The following CEP15 variants were observed in gnomAD, a reference collection of about 807,000 sequenced individuals.
CEP15 encodes centrosomal protein 15.
chr3:62,332,489 A>T, the CEP15 span, among the ~76,000 whole-genome samples: 3 of 152,038 alleles, frequency 2.0e-5, no homozygotes, highest in Non-Finnish European at 4.4e-5. Flanking sequence ...CCCTCCTATG[A>T]CACAGGGCTT....
chr3:62,323,158 C>T, the CEP15 span, among the ~76,000 whole-genome samples: 1 of 152,158 alleles, frequency 6.6e-6, no homozygotes, highest in Non-Finnish European at 1.5e-5. Flanking sequence ...AGGGTCCTTA[C>T]TATTGAGCTA....
At chr3:62,321,090 A>G in the CEP15 span, among the ~76,000 whole-genome samples, 1 of 152,204 alleles carries the variant, frequency 6.6e-6, no homozygotes, top group Non-Finnish European at 1.5e-5. This position sits in a 1 kb window ranked among gnomAD's most constrained non-coding sequence, Gnocchi z 4.1. Flanking sequence ...TGAGATTTTA[A>G]TTCCACCTTT....
At chr3:62,332,945 A>G in the CEP15 span, among the ~76,000 whole-genome samples, 9 of 152,156 alleles carry the variant, frequency 5.9e-5, no homozygotes, top group Non-Finnish European at 1.0e-4. Context: ...CATAAATGAT[A>G]CTATTAGCAA....
At chr3:62,327,871 C>G in the CEP15 span, among the ~76,000 whole-genome samples, 1 of 152,132 alleles carries the variant, frequency 6.6e-6, no homozygotes, top group African/African-American at 2.4e-5. Flanking sequence ...TGCAATGTTT[C>G]GATCCCTTGC....
chr3:62,336,044 G>A, the CEP15 span: 2 of 152,080 alleles, frequency 1.3e-5, no homozygotes, highest in Non-Finnish European at 2.9e-5. The surrounding 1 kb of genome is among the most constrained non-coding windows in gnomAD (Gnocchi z 4.4). Flanking sequence ...GTTTTTTTCT[G>A]CATTATGCAC....
At chr3:62,321,748 T>G in the CEP15 span, among the ~76,000 whole-genome samples, 1 of 152,196 alleles carries the variant, frequency 6.6e-6, no homozygotes, top group Non-Finnish European at 1.5e-5. The surrounding 1 kb of genome is among the most constrained non-coding windows in gnomAD (Gnocchi z 4.1). Context: ...CCAGATTGAC[T>G]TAAGACTTAT....
the CEP15 span, among the ~76,000 whole-genome samples, chr3:62,332,761 C>G: frequency 9.9e-5 from 15 of 151,864 alleles, no homozygotes; most frequent in Non-Finnish European, 1.9e-4. Flanking sequence ...AATTCCTGTA[C>G]TATAACACAC....
At chr3:62,321,268 A>T in the CEP15 span, among the ~76,000 whole-genome samples, 7 of 152,222 alleles carry the variant, frequency 4.6e-5, no homozygotes, top group African/African-American at 1.7e-4. The surrounding 1 kb of genome is among the most constrained non-coding windows in gnomAD (Gnocchi z 4.1). Flanking sequence ...AAACTTTTAA[A>T]GTATATTATA....
chr3:62,332,157 C>A, the CEP15 span, among the ~76,000 whole-genome samples: 7 of 152,060 alleles, frequency 4.6e-5, no homozygotes, highest in Admixed American at 4.6e-4. Context: ...GTTTGATTCT[C>A]CTATACCTTA....
At chr3:62,327,882 A>T in the CEP15 span, among the ~76,000 whole-genome samples, 1 of 152,072 alleles carries the variant, frequency 6.6e-6, no homozygotes, top group Admixed American at 6.6e-5. Context: ...GATCCCTTGC[A>T]ATTTTTGTTC....
chr3:62,322,062 C>A, the CEP15 span: 5 of 1,599,518 alleles, frequency 3.1e-6, no homozygotes, highest in African/African-American at 5.4e-5. This position sits in a 1 kb window ranked among gnomAD's most constrained non-coding sequence, Gnocchi z 5.5. Flanking sequence ...AGGTAAGTTT[C>A]CATGACTTGA....
At chr3:62,325,623 T>G in the CEP15 span, among the ~76,000 whole-genome samples, 459 of 152,306 alleles carry the variant, frequency 3.0e-3, no homozygotes, top group African/African-American at 0.01. Flanking sequence ...ATAACAGAAT[T>G]GGTATAGATT....
the CEP15 span, among the ~76,000 whole-genome samples, chr3:62,329,605 T>C: frequency 2.9e-3 from 442 of 152,300 alleles, 3 homozygotes; most frequent in African/African-American, 0.01. Context: ...ATAGTCAGAA[T>C]GCTGCAGAGG....
At chr3:62,335,595 T>C in the CEP15 span, 1 of 152,126 alleles carries the variant, frequency 6.6e-6, no homozygotes, top group East Asian at 1.9e-4. Context: ...CCATATATAA[T>C]GTATATTTTT....
chr3:62,320,663 G>A, the CEP15 span: 4 of 595,042 alleles, frequency 6.7e-6, no homozygotes, highest in Admixed American at 3.2e-5. Context: ...TTAGTGTTAG[G>A]GAATTTCATT....
At chr3:62,320,802 C>G in the CEP15 span, among the ~76,000 whole-genome samples, 2 of 152,190 alleles carry the variant, frequency 1.3e-5, no homozygotes, top group Non-Finnish European at 2.9e-5. Flanking sequence ...ATGGGCTTCT[C>G]TAAACCTCTT....
chr3:62,328,060 C>T, the CEP15 span, among the ~76,000 whole-genome samples: 34 of 152,200 alleles, frequency 2.2e-4, no homozygotes, highest in South Asian at 6.5e-3. Context: ...CTGGAATTGG[C>T]CATTGCTCCA....
At chr3:62,323,782 T>C in the CEP15 span, 1 of 152,160 alleles carries the variant, frequency 6.6e-6, no homozygotes, top group African/African-American at 2.4e-5. Flanking sequence ...ATCAAAGTAA[T>C]ATATTCCTAC....
the CEP15 span, chr3:62,320,542 G>A: frequency 4.4e-6 from 7 of 1,583,664 alleles, no homozygotes; most frequent in Admixed American, 1.7e-5. Flanking sequence ...TTTTTAAAGG[G>A]ATGATTCAGA....
Sources: gnomAD v4.1 joint callset for allele counts (sites outside exome capture counted in the v4.1 genomes callset) on GRCh38, gnomAD v4.1.1 for gene constraint, Gnocchi (gnomAD v3.1) non-coding constraint, MANE v1.5 for transcripts, NCBI Gene and HGNC (gene_info 2026-07-23, HGNC 2026-07-21) for gene names.